DAB1: variants seen among roughly 807,000 people sequenced by gnomAD.
DAB1 encodes the protein DAB adaptor protein 1, also known as disabled homolog 1.
DAB1 carries 15 observed loss-of-function variants against 64.6 expected under a neutral mutation model. That is an observed-to-expected ratio of 0.23 (90% CI 0.16 to 0.36). The LOEUF (loss-of-function observed/expected upper bound fraction) is 0.36. Among genes scored for constraint, DAB1 ranks in the 10% least tolerant of loss-of-function variants. DAB1 has a pLI of 1.00. For synonymous variants in DAB1, 235 were observed against 251.9 expected, an observed-to-expected ratio of 0.93 and a Z score of 0.64; for missense variants, 596 against 706.7, an observed-to-expected ratio of 0.84 and a Z score of 1.78.
At chr1:57,913,989 T>C (rs565059982) in intron 5 of DAB1, among the ~76,000 whole-genome samples, 2 of 152,310 alleles carry the variant, frequency 1.3e-5, no homozygotes, top group East Asian at 3.9e-4. Flanking sequence ...ACTTTTACAC[T>C]GTCGGTGGGA....
chr1:57,103,102 A>C (rs1258675781), intron 4 of DAB1, among the ~76,000 whole-genome samples: 2 of 152,174 alleles, frequency 1.3e-5, no homozygotes, highest in Non-Finnish European at 2.9e-5. Flanking sequence ...TCTGGCTAAC[A>C]CTAAATCCCT....
chr1:57,292,151 G>C (rs185581222), intron 1 of DAB1, among the ~76,000 whole-genome samples: 1 of 152,254 alleles, frequency 6.6e-6, no homozygotes, highest in African/African-American at 2.4e-5. Flanking sequence ...TCCCACAGAT[G>C]TAGAATGGTT....
chr1:58,498,669 T>G (rs1373461905), intron 3 of DAB1, among the ~76,000 whole-genome samples: 1 of 152,334 alleles, frequency 6.6e-6, no homozygotes, highest in East Asian at 1.9e-4. Context: ...TTCTTGCCTA[T>G]ATAACTATGT....
chr1:57,523,767 C>CA (rs749133489), intron 7 of DAB1, among the ~76,000 whole-genome samples: 10 of 151,476 alleles, frequency 6.6e-5, no homozygotes, highest in African/African-American at 2.2e-4. Flanking sequence ...ACCAAAAATA[C>CA]AAAAAAAATT....
At chr1:57,435,861 G>A (rs1685674887) in intron 7 of DAB1, among the ~76,000 whole-genome samples, 2 of 150,950 alleles carry the variant, frequency 1.3e-5, no homozygotes, top group Admixed American at 1.3e-4. Flanking sequence ...TTTATTATAA[G>A]CATTAAATAT....
intron 7 of DAB1, among the ~76,000 whole-genome samples, chr1:57,484,852 T>C (rs1570563521): frequency 6.6e-6 from 1 of 152,310 alleles, no homozygotes; most frequent in East Asian, 1.9e-4. Flanking sequence ...TGATGTCACA[T>C]AGGCAAAATG....
At chr1:58,403,451 CATT>C (rs1317624066) in intron 3 of DAB1, among the ~76,000 whole-genome samples, 6 of 152,158 alleles carry the variant, frequency 3.9e-5, no homozygotes, top group South Asian at 4.1e-4. Flanking sequence ...GTCCCAGTAT[CATT>C]GAGAACCATG....
At chr1:57,965,551 A>G (rs1404926713) in intron 5 of DAB1, among the ~76,000 whole-genome samples, 1 of 152,188 alleles carries the variant, frequency 6.6e-6, no homozygotes, top group East Asian at 1.9e-4. Flanking sequence ...GATAAAGGTT[A>G]TTGATTATGA....
intron 4 of DAB1, among the ~76,000 whole-genome samples, chr1:58,326,138 T>G (rs1176507035): frequency 6.6e-6 from 1 of 152,188 alleles, no homozygotes; most frequent in East Asian, 1.9e-4. Context: ...ATCACCACAC[T>G]GCTGAAAAAA....
At chr1:57,431,127 T>C (rs1261285088) in intron 7 of DAB1, among the ~76,000 whole-genome samples, 2 of 108,410 alleles carry the variant, frequency 1.8e-5, no homozygotes, top group African/African-American at 7.9e-5. Flanking sequence ...CAAGAAAAAG[T>C]ATTTCAGGCC....
intron 3 of DAB1, among the ~76,000 whole-genome samples, chr1:58,372,531 G>A (rs1453920128): frequency 2.0e-5 from 3 of 150,002 alleles, no homozygotes; most frequent in East Asian, 3.8e-4. Flanking sequence ...AAATTTGGGA[G>A]ACTGTTAGGA....
At chr1:57,281,421 G>GA (rs1261149065) in intron 2 of DAB1, among the ~76,000 whole-genome samples, 3 of 152,138 alleles carry the variant, frequency 2.0e-5, no homozygotes, top group Non-Finnish European at 4.4e-5. Flanking sequence ...CCCAGGAGAA[G>GA]AAAAAACATG....
At position 58,265,674 on chromosome 1, in the gene DAB1, G is replaced by A. The variant is rs552878906; in HGVS notation, n.309+77678C>T. ...TAACCTAATATTTCCCTACACCTCA[G>A]TCAAATCCTATCTATATCTTGACAG... On this transcript the variant is annotated intron_variant and non_coding_transcript_variant, in intron 4 of 20. Transcript: ENST00000485760. Among the ~76,000 whole-genome samples the A allele has an allele frequency of 2.6e-5, 4 of 152,238 alleles. No homozygotes were observed. The South Asian group carries it at 6.2e-4, about 24-fold the overall frequency.
chr1:57,106,108 A>G (rs506063), intron 4 of DAB1, among the ~76,000 whole-genome samples: 122,499 of 152,188 alleles, frequency 0.8, 49,483 homozygotes, highest in East Asian at 0.98. Context: ...TCAGTTCCTA[A>G]TAGTTTCTCT....
At chr1:58,437,109 C>T (rs1644953520) in intron 3 of DAB1, among the ~76,000 whole-genome samples, 1 of 152,174 alleles carries the variant, frequency 6.6e-6, no homozygotes, top group African/African-American at 2.4e-5. Context: ...TATTCAGAGC[C>T]TCTCTTATCT....
At chr1:57,315,628 G>A (rs1416436017) in intron 1 of DAB1, among the ~76,000 whole-genome samples, 5 of 152,074 alleles carry the variant, frequency 3.3e-5, no homozygotes, top group East Asian at 1.9e-4. Flanking sequence ...TCAGCCTCCC[G>A]AGTAGCTGGG....
At chr1:57,262,543 T>C (rs772179291) in intron 2 of DAB1, among the ~76,000 whole-genome samples, 18 of 152,214 alleles carry the variant, frequency 1.2e-4, no homozygotes, top group Non-Finnish European at 2.5e-4. Context: ...GGATGTGGCA[T>C]TGCAATTGGC....
At chr1:58,308,410 T>G (rs959794926) in intron 4 of DAB1, among the ~76,000 whole-genome samples, 1 of 152,062 alleles carries the variant, frequency 6.6e-6, no homozygotes, top group African/African-American at 2.4e-5. Flanking sequence ...GCATGACACC[T>G]GACACCACAA....
intron 4 of DAB1, among the ~76,000 whole-genome samples, chr1:58,174,265 C>T (rs1272049725): frequency 1.3e-5 from 2 of 152,220 alleles, no homozygotes. Context: ...AGTTGGGCAA[C>T]ATGGTTTCTC....
Sources: gnomAD v4.1 joint callset for allele counts (sites outside exome capture counted in the v4.1 genomes callset) on GRCh38, gnomAD v4.1.1 for gene constraint, MANE v1.5 for transcripts, NCBI Gene and HGNC (gene_info 2026-07-23, HGNC 2026-07-21) for gene names.